Variants in KLHL29 observed in about 807,000 individuals in gnomAD.
KLHL29 encodes the protein kelch-like protein 29.
Under a neutral mutation model 80.4 loss-of-function variants are expected in KLHL29, and 21 were observed. The observed-to-expected ratio is 0.26, with a 90% CI of 0.19 to 0.38. KLHL29 has a LOEUF of 0.38. Ranked by LOEUF, KLHL29 falls within the 10% of genes least tolerant of loss-of-function variation. The probability of loss-of-function intolerance (pLI) is 1.00; values close to 1 mark genes in which losing one functional copy is unlikely to be tolerated. For missense variants in KLHL29, 867 were observed against 1,223.9 expected (o/e 0.71, Z 4.35); for synonymous variants, 511 against 526.8 (o/e 0.97, Z 0.41).
At chr2:23,563,899 C>T (rs543972142) in intron 3 of KLHL29, among the ~76,000 whole-genome samples, 4 of 152,326 alleles carry the variant, frequency 2.6e-5, no homozygotes, top group East Asian at 3.9e-4. Flanking sequence ...TATTTGGGCA[C>T]GCTGCCCCCA....
At chr2:23,477,928 C>A (rs1171644461) in intron 2 of KLHL29, among the ~76,000 whole-genome samples, 1 of 152,210 alleles carries the variant, frequency 6.6e-6, no homozygotes, top group Non-Finnish European at 1.5e-5. Context: ...CTAATCTTCC[C>A]TGCTGCTGAT....
intron 1 of KLHL29, among the ~76,000 whole-genome samples, chr2:23,421,633 G>A (rs951922176): frequency 1.3e-5 from 2 of 150,772 alleles, no homozygotes; most frequent in Non-Finnish European, 3.0e-5. Context: ...GTGTGTTCAT[G>A]TGCCTGTGTG....
At chr2:23,593,020 G>A (rs1026934031) in intron 3 of KLHL29, among the ~76,000 whole-genome samples, 4 of 152,176 alleles carry the variant, frequency 2.6e-5, no homozygotes, top group South Asian at 2.1e-4. Context: ...TGTGTCCACC[G>A]TGGAGTCATG....
At chr2:23,443,187 A>T (rs1663579838) in intron 1 of KLHL29, among the ~76,000 whole-genome samples, 1 of 152,240 alleles carries the variant, frequency 6.6e-6, no homozygotes, top group Admixed American at 6.5e-5. Context: ...TGCTTAATTT[A>T]TATGTGCATG....
chr2:23,438,349 T>G (rs1251513195), intron 1 of KLHL29, among the ~76,000 whole-genome samples: 1 of 149,868 alleles, frequency 6.7e-6, no homozygotes, highest in Non-Finnish European at 1.5e-5. Flanking sequence ...AACACCATGT[T>G]GAATAGGAGT....
At chr2:23,622,007 G>T (rs1012479334) in intron 3 of KLHL29, among the ~76,000 whole-genome samples, 3 of 152,150 alleles carry the variant, frequency 2.0e-5, no homozygotes, top group Non-Finnish European at 4.4e-5. Flanking sequence ...GTGCACAGTG[G>T]CCCCCACATT....
intron 2 of KLHL29, among the ~76,000 whole-genome samples, chr2:23,495,389 A>G (rs1433773354): frequency 1.3e-5 from 2 of 152,196 alleles, no homozygotes; most frequent in Non-Finnish European, 2.9e-5. Flanking sequence ...TCTGGGACAC[A>G]TGATAATTTT....
chr2:23,419,403 T>C (rs1662714862), intron 1 of KLHL29, among the ~76,000 whole-genome samples: 1 of 151,576 alleles, frequency 6.6e-6, no homozygotes, highest in African/African-American at 2.4e-5. Flanking sequence ...GGCACAGCCA[T>C]CACAGGAGCT....
At chr2:23,554,683 C>T (rs1667238574) in intron 2 of KLHL29, among the ~76,000 whole-genome samples, 1 of 152,214 alleles carries the variant, frequency 6.6e-6, no homozygotes, top group Admixed American at 6.5e-5. Flanking sequence ...CATCCTGTTC[C>T]TGAGCAGGCA....
rs1368428125 is a variant in KLHL29 at position 23,633,396 on chromosome 2, G to A, written c.286-5743G>A. 4.6e-5 allele frequency among the ~76,000 whole-genome samples: 7 copies of A among 152,162 alleles called. No homozygotes were observed. The East Asian group carries it at 1.2e-3, about 25-fold the overall frequency. ...TGCATGTAACACTGTACATTTATATGTCAAGAGTAAGGCACAAATGACTTT... is the reference window on the plus strand; with the variant it reads ...TGCATGTAACACTGTACATTTATATATCAAGAGTAAGGCACAAATGACTTT... On this transcript the variant is annotated intron_variant, in intron 3 of 13. Coordinates refer to ENST00000486442, the MANE Select transcript of KLHL29 (RefSeq NM_052920.2).
intron 5 of KLHL29, among the ~76,000 whole-genome samples, chr2:23,646,024 T>A (rs939561630): frequency 1.3e-5 from 2 of 150,474 alleles, no homozygotes; most frequent in African/African-American, 4.9e-5. Context: ...AAGAACAATT[T>A]GGGGGTGGGA....
chr2:23,577,366 G>A (rs1001499838), intron 3 of KLHL29, among the ~76,000 whole-genome samples: 30 of 152,232 alleles, frequency 2.0e-4, no homozygotes, highest in Admixed American at 5.9e-4. Flanking sequence ...CAGGAGAATC[G>A]CCTGAACCCA....
intron 3 of KLHL29, among the ~76,000 whole-genome samples, chr2:23,594,187 G>C (rs1374802238): frequency 2.0e-5 from 3 of 152,190 alleles, no homozygotes; most frequent in Admixed American, 1.3e-4. Context: ...GCGTTGCCTT[G>C]TTTACCAGAC....
chr2:23,571,643 G>C (rs1356491411), intron 3 of KLHL29, among the ~76,000 whole-genome samples: 1 of 152,206 alleles, frequency 6.6e-6, no homozygotes, highest in African/African-American at 2.4e-5. Flanking sequence ...TTAAGGAAGA[G>C]TCACAAGAAA....
rs1010540610 is a variant in KLHL29, at chr2:23,626,256, C to A, written c.286-12883C>A. On this transcript the variant is annotated intron_variant, in intron 3 of 13. Coordinates refer to ENST00000486442, the MANE Select transcript of KLHL29 (RefSeq NM_052920.2). ...ATGCCGCCACTGATCTGACAGGAGG[C>A]GGAGCTCAGGCAGTAATGCCAGCAA... 2.0e-5 allele frequency among the ~76,000 whole-genome samples: 3 copies of A among 152,160 alleles called. No homozygotes were observed. In the South Asian group the frequency reaches 6.2e-4, roughly 32 times the overall value.
intron 5 of KLHL29, among the ~76,000 whole-genome samples, chr2:23,656,932 G>GAAAAA (rs58320389): frequency 9.1e-6 from 1 of 110,096 alleles, no homozygotes; most frequent in Admixed American, 9.6e-5. Flanking sequence ...TCCCCAACAG[G>GAAAAA]AAAAAAAAAA....
At chr2:23,505,803 A>T (rs944075299) in intron 2 of KLHL29, among the ~76,000 whole-genome samples, 2 of 152,186 alleles carry the variant, frequency 1.3e-5, no homozygotes, top group Admixed American at 1.3e-4. Flanking sequence ...TGGGGATTTG[A>T]ACTTGCATGT....
rs898750963 is a variant in KLHL29 at position 23,562,349 on chromosome 2, C to T, written c.153C>T (p.Pro51=). The change falls in exon 3 of 14, where the codon CCC becomes CCT. Residue 51 remains proline, a synonymous_variant. Coordinates refer to ENST00000486442, the MANE Select transcript of KLHL29 (RefSeq NM_052920.2). The surrounding 1 kb of genome is among the most constrained non-coding windows in gnomAD (Gnocchi z 4.5). Reference sequence around the variant, plus strand: ...CAGCCAGCAGCCTCAGCGTCCGGCCCGGCCTCCTGCCGCTGCCCGTGGTGC... The same window carrying T: ...CAGCCAGCAGCCTCAGCGTCCGGCCTGGCCTCCTGCCGCTGCCCGTGGTGC... ...GGTASSLSVR[P]GLLPLPVVPS... 2.1e-5 allele frequency: 33 copies of T among 1,543,446 alleles called. No homozygotes were observed. Among genetic ancestry groups the T allele is most frequent in the African/African-American group, 2.7e-5 (2 of 72,968 alleles).
intron 8 of KLHL29, among the ~76,000 whole-genome samples, chr2:23,694,196 T>G (rs1400705105): frequency 1.3e-5 from 2 of 152,230 alleles, no homozygotes; most frequent in Admixed American, 1.3e-4. Flanking sequence ...CAGATCCGTC[T>G]AATTCACCAA....
Sources: allele counts gnomAD v4.1 joint callset (sites outside exome capture counted in the v4.1 genomes callset), GRCh38; gene constraint gnomAD v4.1.1; non-coding constraint Gnocchi (gnomAD v3.1); transcripts MANE v1.5; gene names NCBI Gene and HGNC (gene_info 2026-07-23, HGNC 2026-07-21).